The following AGBL1 variants were observed in gnomAD, a reference collection of about 807,000 sequenced individuals.
The protein encoded by AGBL1 is AGBL carboxypeptidase 1.
A neutral mutation model predicts 118.9 loss-of-function variants in AGBL1; 130 were observed. The observed-to-expected ratio is 1.09, with a 90% CI of 0.95 to 1.26. The LOEUF is 1.26. AGBL1 is among the 50% of genes most tolerant of loss of function. AGBL1 has a pLI of 0.00. For synonymous variants in AGBL1, 555 were observed against 478.9 expected (o/e 1.16, Z -2.08); for missense variants, 1,584 against 1,298.1 (o/e 1.22, Z -3.38).
At chr15:86,879,901 A>G (rs2079866740) in intron 22 of AGBL1, among the ~76,000 whole-genome samples, 1 of 152,126 alleles carries the variant, frequency 6.6e-6, no homozygotes, top group Non-Finnish European at 1.5e-5. Context: ...TTGTCATTCC[A>G]CCACCAAGAG....
chr15:86,374,370 T>A (rs952515607), intron 17 of AGBL1, among the ~76,000 whole-genome samples: 2 of 152,236 alleles, frequency 1.3e-5, no homozygotes, highest in African/African-American at 4.8e-5. Context: ...TGTTTGACTT[T>A]AATGCTTGCA....
At position 86,997,892 on chromosome 15, in the gene AGBL1, CACACACA is replaced by C. The variant is rs2081394436; in HGVS notation, c.3323+9805_3323+9811del. ...ATATATTGGCCAAACATGTGGAAGA[CACACACA>C]CACACACACACACACACACACACAC... On this transcript the variant is annotated intron_variant, in intron 24 of 24. Transcript: ENST00000441037. Among the ~76,000 whole-genome samples, 10 of 28,590 alleles carry C rather than the reference CACACACA, an allele frequency of 3.5e-4. 1 individual carries two copies. The highest frequency in any genetic ancestry group is 5.2e-3 in the South Asian group (2 of 382). The allele number at this position is 28,590 out of a possible 152,430, so 18.8% of individuals were successfully genotyped here. A position where few individuals can be genotyped will look rare whatever the true frequency, so the allele number is the denominator to read the frequency against.
intron 23 of AGBL1, among the ~76,000 whole-genome samples, chr15:86,928,656 T>C (rs2080572958): frequency 6.6e-6 from 1 of 152,214 alleles, no homozygotes; most frequent in Non-Finnish European, 1.5e-5. Context: ...GTTTTCTGTA[T>C]GTGTATGAAT....
rs2086766833 is a variant in AGBL1, at chr15:86,723,482, A to G, written c.3158+49046A>G. On this transcript the variant is annotated intron_variant, in intron 22 of 22. Coordinates refer to ENST00000614907, the MANE Select transcript of AGBL1 (RefSeq NM_001386094.1). Reference sequence around the variant, plus strand: ...AGAACACATGGACACAGGAAGGGGAACATCACACACCGGGGACTATTGTGG... The same window carrying G: ...AGAACACATGGACACAGGAAGGGGAGCATCACACACCGGGGACTATTGTGG... 2.6e-5 allele frequency among the ~76,000 whole-genome samples: 4 copies of G among 152,260 alleles called. No individual in the cohort carries two copies. In the South Asian group the frequency reaches 8.3e-4, roughly 32 times the overall value.
rs1469701883 is a variant in AGBL1 at position 86,210,736 on chromosome 15, T to C, written c.489-14178T>C. 2.0e-5 allele frequency among the ~76,000 whole-genome samples: 3 copies of C among 152,306 alleles called. No individual in the cohort carries two copies. The East Asian group carries it at 5.8e-4, about 29-fold the overall frequency. On this transcript the variant is annotated intron_variant, in intron 5 of 22. Transcript: ENST00000614907. ...TCGTCTAATCTTTTTTCAAGGTTTT[T>C]AGCTTCCTTGAGATGGGTTCGAACA...
chr15:86,422,712 A>G (rs1038848024), intron 18 of AGBL1, among the ~76,000 whole-genome samples: 1 of 152,166 alleles, frequency 6.6e-6, no homozygotes, highest in Non-Finnish European at 1.5e-5. Context: ...ACTAATAAAA[A>G]ATAAAAGAGA....
intron 23 of AGBL1, among the ~76,000 whole-genome samples, chr15:86,979,549 C>A (rs11631303): frequency 0.13 from 20,134 of 151,748 alleles, 1,387 homozygotes; most frequent in East Asian, 0.14. Context: ...AGTGCAGTGG[C>A]GCGATCTCGG....
At chr15:86,262,026 T>G (rs2078994759) in intron 9 of AGBL1, among the ~76,000 whole-genome samples, 1 of 150,744 alleles carries the variant, frequency 6.6e-6, no homozygotes, top group African/African-American at 2.4e-5. Context: ...TGTAAGCAAA[T>G]TGAAGCTTTT....
chr15:86,679,254 T>C (rs2085906225), intron 22 of AGBL1, among the ~76,000 whole-genome samples: 1 of 152,110 alleles, frequency 6.6e-6, no homozygotes, highest in African/African-American at 2.4e-5. Flanking sequence ...ATCAGTAAAG[T>C]ATTGTAGGGA....
intron 22 of AGBL1, among the ~76,000 whole-genome samples, chr15:86,832,232 T>C (rs974438016): frequency 6.6e-6 from 1 of 152,230 alleles, no homozygotes; most frequent in African/African-American, 2.4e-5. Flanking sequence ...GAGACATTTT[T>C]CCATTGTTTT....
intron 21 of AGBL1, among the ~76,000 whole-genome samples, chr15:86,654,240 T>C (rs906395239): frequency 6.6e-6 from 1 of 152,144 alleles, no homozygotes; most frequent in African/African-American, 2.4e-5. Context: ...TTGTTTATAA[T>C]CTCTACTCCT....
intron 23 of AGBL1, among the ~76,000 whole-genome samples, chr15:86,973,277 T>C (rs1567267126): frequency 6.6e-6 from 1 of 152,062 alleles, no homozygotes; most frequent in Non-Finnish European, 1.5e-5. Flanking sequence ...AACAGTATCA[T>C]CTTCCTAATG....
At chr15:86,944,105 C>A (rs1428426434) in intron 23 of AGBL1, among the ~76,000 whole-genome samples, 2 of 152,118 alleles carry the variant, frequency 1.3e-5, no homozygotes, top group Non-Finnish European at 2.9e-5. Flanking sequence ...GGCGCGGTGG[C>A]TCATCCTGTA....
At chr15:86,734,910 A>G (rs1264619159) in intron 22 of AGBL1, among the ~76,000 whole-genome samples, 1 of 152,146 alleles carries the variant, frequency 6.6e-6, no homozygotes, top group Non-Finnish European at 1.5e-5. Flanking sequence ...ACAATAAGGG[A>G]ACAGGAGGGA....
chr15:86,520,871 T>C (rs2083181435), intron 18 of AGBL1, among the ~76,000 whole-genome samples: 2 of 152,244 alleles, frequency 1.3e-5, no homozygotes, highest in African/African-American at 4.8e-5. Context: ...GCAAATGTGC[T>C]TGGGAGCAAG....
intron 17 of AGBL1, among the ~76,000 whole-genome samples, chr15:86,332,079 A>C: frequency 6.9e-6 from 1 of 144,842 alleles, no homozygotes; most frequent in East Asian, 2.0e-4. Flanking sequence ...ACTGGAGAAA[A>C]ATCTGTCATG....
intron 22 of AGBL1, among the ~76,000 whole-genome samples, chr15:86,721,082 T>G (rs2086712097): frequency 6.6e-6 from 1 of 152,196 alleles, no homozygotes; most frequent in Non-Finnish European, 1.5e-5. Context: ...AAGGAGGAGC[T>G]GGTACCATTC....
In AGBL1 at chr15:86,326,718, C is replaced by T. The variant is rs975351662; in HGVS notation, c.2374+31310C>T. ...ACTTGTTTGTTTTGTTTACAGACAA[C>T]AGCATTTGAGCAACCTTCTTAAATA... On this transcript the variant is annotated intron_variant, in intron 17 of 22. Coordinates refer to ENST00000614907, the MANE Select transcript of AGBL1 (RefSeq NM_001386094.1). Among the ~76,000 whole-genome samples, 12 of 152,212 alleles carry T rather than the reference C, an allele frequency of 7.9e-5. No homozygotes were observed. The East Asian group carries it at 2.3e-3, about 29-fold the overall frequency.
intron 22 of AGBL1, among the ~76,000 whole-genome samples, chr15:86,829,934 C>A (rs912412196): frequency 6.6e-6 from 1 of 152,042 alleles, no homozygotes; most frequent in Non-Finnish European, 1.5e-5. Context: ...ACTTTTATTG[C>A]AATAGCCAAG....
Sources: gnomAD v4.1 joint callset for allele counts (sites outside exome capture counted in the v4.1 genomes callset) on GRCh38, gnomAD v4.1.1 for gene constraint, MANE v1.5 for transcripts, NCBI Gene and HGNC (gene_info 2026-07-23, HGNC 2026-07-21) for gene names.